EYA4: variants seen among roughly 807,000 people sequenced by gnomAD.
EYA4 encodes the protein EYA transcriptional coactivator and phosphatase 4, also known as protein phosphatase EYA4.
In EYA4, 31 loss-of-function variants were observed where a neutral mutation model predicts 87.9. The observed-to-expected ratio is 0.35, with a 90% CI of 0.27 to 0.48. The LOEUF (loss-of-function observed/expected upper bound fraction) is 0.48, where lower values mean the gene tolerates loss of function less well. EYA4 is among the 20% of genes least tolerant of loss of function. EYA4 has a pLI of 0.99. For missense variants in EYA4, 678 were observed against 761.4 expected, an observed-to-expected ratio of 0.89 and a Z score of 1.29; for synonymous variants, 263 against 270.6, an observed-to-expected ratio of 0.97 and a Z score of 0.28.
chr6:133,461,306 G>A (rs1794361625), intron 7 of EYA4, 126 bp downstream of exon 7: 1 of 746,718 alleles, frequency 1.3e-6, no homozygotes, highest in Non-Finnish European at 2.4e-6. Context: ...AATTTGAAAT[G>A]GAGACACCCA....
chr6:133,450,252 T>C (rs1583311843), intron 5 of EYA4, among the ~76,000 whole-genome samples: 1 of 152,300 alleles, frequency 6.6e-6, no homozygotes, highest in African/African-American at 2.4e-5. Flanking sequence ...CCCGAAGTGC[T>C]GGGATTACAG....
intron 3 of EYA4, among the ~76,000 whole-genome samples, chr6:133,405,490 C>G (rs967226492): frequency 1.3e-5 from 2 of 152,114 alleles, no homozygotes; most frequent in Non-Finnish European, 2.9e-5. Context: ...TTCCACAGAT[C>G]TCATAAAAAT....
chr6:133,424,443 C>T (rs1790473280), intron 3 of EYA4, among the ~76,000 whole-genome samples: 1 of 152,168 alleles, frequency 6.6e-6, no homozygotes, highest in Non-Finnish European at 1.5e-5. Context: ...GGTCTCGGCC[C>T]CAACCCCTGC....
At chr6:133,284,030 C>T (rs1003253410) in intron 2 of EYA4, among the ~76,000 whole-genome samples, 1 of 152,176 alleles carries the variant, frequency 6.6e-6, no homozygotes, top group East Asian at 1.9e-4. Flanking sequence ...ATGTTAAACA[C>T]GTGAACTCAC....
intron 2 of EYA4, among the ~76,000 whole-genome samples, chr6:133,356,321 A>G (rs1784029296): frequency 6.6e-6 from 1 of 152,186 alleles, no homozygotes; most frequent in Non-Finnish European, 1.5e-5. Context: ...GAGTTATACT[A>G]CTTATTTATA....
chr6:133,291,633 G>T (rs1031450809), intron 2 of EYA4, among the ~76,000 whole-genome samples: 9 of 152,084 alleles, frequency 5.9e-5, no homozygotes, highest in African/African-American at 2.2e-4. Flanking sequence ...AAAATAAAAA[G>T]GCTTTGCAGC....
intron 2 of EYA4, among the ~76,000 whole-genome samples, chr6:133,365,661 G>A (rs1270591332): frequency 6.6e-6 from 1 of 152,110 alleles, no homozygotes; most frequent in Non-Finnish European, 1.5e-5. Context: ...GAAGGGCAGA[G>A]GAAACAGTTT....
In EYA4 at chr6:133,463,413, G is replaced by A. The variant is rs1052511197; in HGVS notation, c.724+649G>A. Among the ~76,000 whole-genome samples, 6 of 142,518 alleles carry A rather than the reference G, an allele frequency of 4.2e-5. No individual in the cohort carries two copies. In the East Asian group the frequency reaches 6.2e-4, roughly 15 times the overall value. 93.5% of individuals were successfully genotyped at this position (142,518 alleles called of 152,430 possible). A position where few individuals can be genotyped will look rare whatever the true frequency, so the allele number is the denominator to read the frequency against. On this transcript the variant is annotated intron_variant, in intron 9 of 19. Coordinates refer to ENST00000355286, the MANE Select transcript of EYA4 (RefSeq NM_004100.5). ...CTCGCTCTGTTGCCCAGGCTGGAGTGCAATGGCATGATCTTGGCTAACTTG... is the reference window on the plus strand; with the variant it reads ...CTCGCTCTGTTGCCCAGGCTGGAGTACAATGGCATGATCTTGGCTAACTTG...
Position 133,395,450 on chromosome 6 carries a change from A to G in EYA4, c.83+13009A>G, listed in dbSNP as rs571948198. The stretch of plus-strand genomic sequence containing the variant: ...GAAGGTTTAAATGTCATCTGTAAAT[A>G]AGATCAAATCTAAGGAAGACCTCTA... On this transcript the variant is annotated intron_variant, in intron 3 of 19. Transcript: ENST00000355286. 2.2e-3 allele frequency among the ~76,000 whole-genome samples: 330 copies of G among 152,292 alleles called. 1 individual carries two copies. Among genetic ancestry groups the G allele is most frequent in the Non-Finnish European group, 3.9e-3 (263 of 68,030 alleles).
Position 133,530,106 on chromosome 6 carries a change from T to C in EYA4, c.*1301T>C. On this transcript the variant is annotated 3_prime_UTR_variant, in exon 20 of 20. Coordinates refer to ENST00000355286, the MANE Select transcript of EYA4 (RefSeq NM_004100.5). ...GTGTCTAATGAAAGCAATGAGTCTA[T>C]GAAAATTTTACCTAGAATATCATCA... The C allele has an allele frequency of 1.0e-6, 1 of 985,236 alleles. No individual in the cohort carries two copies. Among genetic ancestry groups the C allele is most frequent in the Non-Finnish European group, 1.2e-6 (1 of 829,746 alleles). The allele number at this position is 985,236 out of a possible 1,614,324, so 61.0% of individuals were successfully genotyped here.
intron 3 of EYA4, among the ~76,000 whole-genome samples, chr6:133,384,931 A>G (rs368710343): frequency 2.6e-5 from 4 of 152,224 alleles, no homozygotes; most frequent in East Asian, 3.8e-4. Context: ...CCAAACAAGA[A>G]AAATGTCTCT....
chr6:133,404,846 G>T (rs752463915), intron 3 of EYA4, among the ~76,000 whole-genome samples: 1 of 152,124 alleles, frequency 6.6e-6, no homozygotes, highest in Non-Finnish European at 1.5e-5. Context: ...AGTCTCCTTG[G>T]CTCTTCGCAT....
chr6:133,490,965 A>G (rs763910373), intron 13 of EYA4, among the ~76,000 whole-genome samples: 3 of 152,190 alleles, frequency 2.0e-5, no homozygotes, highest in Non-Finnish European at 1.5e-5. Flanking sequence ...AGGCCACAAT[A>G]CAAGTCTTTA....
chr6:133,244,343 A>C (rs558437195), intron 1 of EYA4, among the ~76,000 whole-genome samples: 1 of 152,240 alleles, frequency 6.6e-6, no homozygotes, highest in East Asian at 1.9e-4. Context: ...CCAAAATAAA[A>C]CGTCTCACAT....
chr6:133,378,669 G>A (rs1785911550), intron 2 of EYA4, among the ~76,000 whole-genome samples: 1 of 151,982 alleles, frequency 6.6e-6, no homozygotes, highest in African/African-American at 2.4e-5. Context: ...ACTGTGCCTG[G>A]CATGTGGAAA....
In EYA4 at chr6:133,246,447, G is replaced by GT. The variant is rs1307186899; in HGVS notation, c.-66+4709dup. Among the ~76,000 whole-genome samples the GT allele has an allele frequency of 2.2e-3, 315 of 145,256 alleles. 1 individual carries two copies. Among genetic ancestry groups the GT allele is most frequent in the Middle Eastern group, 0.011 (3 of 282 alleles). ...TGTTCTATCGTGTTAGAATTTTTTA[G>GT]TTTTTTTTTTTCTGCACAGGTAGTT... On this transcript the variant is annotated intron_variant, in intron 1 of 19. Coordinates refer to ENST00000355286, the MANE Select transcript of EYA4 (RefSeq NM_004100.5).
At chr6:133,495,284 A>G (rs11969724) in intron 13 of EYA4, among the ~76,000 whole-genome samples, 15,464 of 151,382 alleles carry the variant, frequency 0.1, 2,465 homozygotes, top group African/African-American at 0.34. Context: ...AAAGAAAAAA[A>G]ATCTCATGTA....
intron 3 of EYA4, among the ~76,000 whole-genome samples, chr6:133,391,209 G>GGGTTTT (rs1254536543): frequency 2.2e-5 from 2 of 91,476 alleles, no homozygotes; most frequent in Non-Finnish European, 5.3e-5. Context: ...ATTATTTTTT[G>GGGTTTT]GGTTTTGTTT....
At chr6:133,431,940 A>G (rs3777854) in intron 3 of EYA4, among the ~76,000 whole-genome samples, 28,103 of 115,316 alleles carry the variant, frequency 0.24, 2,846 homozygotes, top group East Asian at 0.36. Context: ...AAAATAGTCC[A>G]TTTTCTTGAT....
Sources: gnomAD v4.1 joint callset for allele counts (sites outside exome capture counted in the v4.1 genomes callset) on GRCh38, gnomAD v4.1.1 for gene constraint, MANE v1.5 for transcripts, NCBI Gene and HGNC (gene_info 2026-07-23, HGNC 2026-07-21) for gene names.